NELL1: variants seen among roughly 807,000 people sequenced by gnomAD.
The protein encoded by NELL1 is neural EGFL like 1.
In NELL1, 76 loss-of-function variants were observed where a neutral mutation model predicts 107.4. The observed-to-expected ratio is 0.71, with a 90% CI of 0.59 to 0.86. The LOEUF is 0.86. Ranked by LOEUF, NELL1 falls within the 40% of genes least tolerant of loss-of-function variation. The pLI, the probability that NELL1 is intolerant of heterozygous loss-of-function variation, is 0.00. For missense variants in NELL1, 1,024 were observed against 1,005.5 expected, an observed-to-expected ratio of 1.02 and a Z score of -0.25; for synonymous variants, 353 against 341.2, an observed-to-expected ratio of 1.03 and a Z score of -0.38.
At chr11:21,262,290 C>T (rs115137215) in intron 14 of NELL1, among the ~76,000 whole-genome samples, 1,572 of 151,834 alleles carry the variant, frequency 0.01, 32 homozygotes, top group African/African-American at 0.037. Context: ...TGTACCATGA[C>T]TCTGGGGTCC....
At chr11:21,134,244 C>G (rs1855691238) in intron 13 of NELL1, among the ~76,000 whole-genome samples, 1 of 152,212 alleles carries the variant, frequency 6.6e-6, no homozygotes, top group Admixed American at 6.5e-5. Context: ...AGGCAGCACT[C>G]AGGCTAGGAT....
intron 14 of NELL1, among the ~76,000 whole-genome samples, chr11:21,307,780 A>G (rs376905647): frequency 1.1e-4 from 16 of 152,016 alleles, no homozygotes; most frequent in East Asian, 7.7e-4. Context: ...AGAGAGGCCT[A>G]TATGAACCCT....
intron 12 of NELL1, among the ~76,000 whole-genome samples, chr11:21,004,805 T>C (rs1045427146): frequency 1.3e-5 from 2 of 152,108 alleles, no homozygotes; most frequent in East Asian, 1.9e-4. Context: ...CAAAGGAACA[T>C]TGGCTGCAAT....
chr11:21,385,263 A>G (rs1213905149), intron 15 of NELL1, among the ~76,000 whole-genome samples: 3 of 152,062 alleles, frequency 2.0e-5, no homozygotes, highest in Admixed American at 6.6e-5. Flanking sequence ...TCCGGAGACC[A>G]GGGTAGTACC....
Position 20,866,152 on chromosome 11 carries a change from C to T in NELL1, c.506+18399C>T, listed in dbSNP as rs1590362203. On this transcript the variant is annotated intron_variant, in intron 4 of 19. Transcript: ENST00000357134. ...GAGGAGTTACCATCTCTGTGATGCG[C>T]AAGGAGCTTGAAGTGGGAATTGGGG... 2.6e-5 allele frequency among the ~76,000 whole-genome samples: 4 copies of T among 152,244 alleles called. No homozygotes were observed. The East Asian group carries it at 5.8e-4, about 22-fold the overall frequency.
intron 14 of NELL1, among the ~76,000 whole-genome samples, chr11:21,359,319 G>T (rs916197342): frequency 2.0e-4 from 31 of 151,964 alleles, no homozygotes; most frequent in African/African-American, 7.5e-4. Context: ...CTACATCCTT[G>T]GTATGAAACC....
intron 15 of NELL1, among the ~76,000 whole-genome samples, chr11:21,373,204 G>T (rs1251264786): frequency 1.3e-5 from 2 of 152,042 alleles, no homozygotes; most frequent in Non-Finnish European, 2.9e-5. Flanking sequence ...AATGAATAGA[G>T]TACATAGTTT....
At chr11:21,504,465 C>G (rs1000285988) in intron 15 of NELL1, among the ~76,000 whole-genome samples, 18 of 152,140 alleles carry the variant, frequency 1.2e-4, no homozygotes, top group Non-Finnish European at 2.5e-4. Flanking sequence ...TTACTCCCCT[C>G]TACTCACACA....
chr11:21,522,766 T>C (rs1480164376), intron 15 of NELL1, among the ~76,000 whole-genome samples: 2 of 152,098 alleles, frequency 1.3e-5, no homozygotes, highest in East Asian at 3.8e-4. Flanking sequence ...GGCCAATTCA[T>C]TCTTTTTATG....
intron 14 of NELL1, among the ~76,000 whole-genome samples, chr11:21,324,986 T>C (rs1850097757): frequency 6.6e-6 from 1 of 152,144 alleles, no homozygotes; most frequent in Non-Finnish European, 1.5e-5. Flanking sequence ...CCCATCTTTG[T>C]TTTATAGCAT....
At chr11:21,382,391 C>A (rs1165444651) in intron 15 of NELL1, among the ~76,000 whole-genome samples, 7 of 151,860 alleles carry the variant, frequency 4.6e-5, no homozygotes, top group Admixed American at 6.6e-5. Flanking sequence ...TGGGAAAAAT[C>A]AGATTTTTAT....
intron 13 of NELL1, among the ~76,000 whole-genome samples, chr11:21,225,799 G>A (rs75482057): frequency 6.6e-6 from 1 of 152,136 alleles, no homozygotes; most frequent in African/African-American, 2.4e-5. Context: ...CCTAACACTT[G>A]TGGAGCACTT....
At position 21,092,186 on chromosome 11, in the gene NELL1, A is replaced by G. The variant is rs980555033; in HGVS notation, c.1301-21403A>G. Among the ~76,000 whole-genome samples the G allele has an allele frequency of 5.3e-5, 8 of 152,300 alleles. No homozygotes were observed. In the East Asian group the frequency reaches 1.4e-3, roughly 26 times the overall value. ...TAAGTAGTTCAGGATTTTGGTCAAT[A>G]GCAGCTTGGATTAGAAGGGCAAGTT... On this transcript the variant is annotated intron_variant, in intron 12 of 19. Transcript: ENST00000357134.
chr11:21,062,402 C>CTA (rs1258265763), intron 12 of NELL1, among the ~76,000 whole-genome samples: 3 of 152,132 alleles, frequency 2.0e-5, no homozygotes, highest in Admixed American at 6.6e-5. Context: ...TATGAGAAGA[C>CTA]TAGAAGCTTC....
chr11:21,357,723 G>A (rs1850969747), intron 14 of NELL1, among the ~76,000 whole-genome samples: 1 of 152,148 alleles, frequency 6.6e-6, no homozygotes, highest in Non-Finnish European at 1.5e-5. Context: ...CTTTGCCTAA[G>A]CCAACAACTA....
chr11:21,416,972 T>C (rs1240529900), intron 15 of NELL1, among the ~76,000 whole-genome samples: 1 of 152,070 alleles, frequency 6.6e-6, no homozygotes, highest in Non-Finnish European at 1.5e-5. Context: ...TTTTAGTGGA[T>C]GAGAAAACTG....
At chr11:20,939,001 C>A (rs1200629259) in intron 10 of NELL1, among the ~76,000 whole-genome samples, 1 of 151,390 alleles carries the variant, frequency 6.6e-6, no homozygotes, top group South Asian at 2.1e-4. Flanking sequence ...CTGTGCATTT[C>A]CAAAGGTCAC....
chr11:21,224,262 AGGCAAGG>A (rs1857835253), intron 13 of NELL1, among the ~76,000 whole-genome samples: 1 of 151,994 alleles, frequency 6.6e-6, no homozygotes, highest in Admixed American at 6.6e-5. Context: ...TTATTTTTTG[AGGCAAGG>A]TCTCTGTCTA....
intron 13 of NELL1, 30 bp from the exon 14 acceptor site, chr11:21,229,302 A>G (rs758438933): frequency 2.5e-6 from 4 of 1,611,952 alleles, no homozygotes; most frequent in Non-Finnish European, 3.4e-6. Context: ...AAGAAAAAGT[A>G]TTTCTCTTTT....
Sources: allele counts gnomAD v4.1 joint callset (sites outside exome capture counted in the v4.1 genomes callset), GRCh38; gene constraint gnomAD v4.1.1; transcripts MANE v1.5; gene names NCBI Gene and HGNC (gene_info 2026-07-23, HGNC 2026-07-21).